Variants in EEPD1 observed in about 807,000 individuals in gnomAD.
The protein encoded by EEPD1 is endonuclease/exonuclease/phosphatase family domain-containing protein 1.
Under a neutral mutation model 46.3 loss-of-function variants are expected in EEPD1, and 17 were observed. The observed-to-expected ratio is 0.37, with a 90% CI of 0.25 to 0.55. The LOEUF (loss-of-function observed/expected upper bound fraction) is 0.55, where lower values mean the gene tolerates loss of function less well. EEPD1 is among the 20% of genes least tolerant of loss of function. The pLI is 0.83. For missense variants in EEPD1, 673 were observed against 745.6 expected, an observed-to-expected ratio of 0.90 and a Z score of 1.13; for synonymous variants, 313 against 315.6, an observed-to-expected ratio of 0.99 and a Z score of 0.09.
At chr7:36,220,717 G>A (rs1035569996) in intron 2 of EEPD1, among the ~76,000 whole-genome samples, 1 of 152,128 alleles carries the variant, frequency 6.6e-6, no homozygotes, top group African/African-American at 2.4e-5. Flanking sequence ...TGTGTCAGAT[G>A]GTATTGAAAA....
intron 2 of EEPD1, among the ~76,000 whole-genome samples, chr7:36,234,149 C>T (rs1452307827): frequency 1.3e-5 from 2 of 152,132 alleles, no homozygotes; most frequent in Non-Finnish European, 2.9e-5. Flanking sequence ...GAAGTCCTGA[C>T]CTCAAATGAT....
intron 2 of EEPD1, among the ~76,000 whole-genome samples, chr7:36,237,054 T>C (rs10274036): frequency 0.72 from 109,879 of 152,068 alleles, 39,800 homozygotes; most frequent in Admixed American, 0.75. Context: ...CAGTATCATT[T>C]CTGAAGTCAG....
At chr7:36,264,828 A>G (rs906411650) in intron 3 of EEPD1, among the ~76,000 whole-genome samples, 1 of 152,062 alleles carries the variant, frequency 6.6e-6, no homozygotes, top group Non-Finnish European at 1.5e-5. Context: ...ACGAAAGAAA[A>G]CAGAACCAGT....
chr7:36,299,137 G>A lies in EEPD1; in HGVS notation c.1641G>A (p.Lys547=). Residue 547 remains lysine, a synonymous_variant, in exon 8 of 8, where the codon AAG becomes AAA. Coordinates refer to ENST00000242108, the MANE Select transcript of EEPD1 (RefSeq NM_030636.3). ...ACACTGAAAAGGACTGGAGCAAGAA[G>A]GATGCCCCTCGGAACGGCAGCGGGG... The part of the protein sequence containing the change: ...EFYTEKDWSK[K]DAPRNGSGVA... 3 of 1,611,652 alleles carry A rather than the reference G, an allele frequency of 1.9e-6. No individual in the cohort carries two copies. Among genetic ancestry groups the A allele is most frequent in the South Asian group, 1.1e-5 (1 of 90,982 alleles).
At position 36,160,628 on chromosome 7, in the gene EEPD1, G is replaced by A. The variant is rs1039064144; in HGVS notation, c.878+5426G>A. The stretch of plus-strand genomic sequence containing the variant: ...GAGGCCACAGAAGGTTAGAAGCAGA[G>A]GCTGAAGAAATGACCTCTTACCAGA... On this transcript the variant is annotated intron_variant, in intron 2 of 7. Transcript: ENST00000242108. 8.2e-5 allele frequency among the ~76,000 whole-genome samples: 12 copies of A among 146,482 alleles called. No homozygotes were observed. The South Asian group carries it at 2.5e-3, about 30-fold the overall frequency.
At chr7:36,242,342 C>T (rs1052087356) in intron 3 of EEPD1, among the ~76,000 whole-genome samples, 2 of 152,066 alleles carry the variant, frequency 1.3e-5, no homozygotes, top group African/African-American at 2.4e-5. Flanking sequence ...GTATTGTTCC[C>T]CCCATCTCAA....
intron 2 of EEPD1, among the ~76,000 whole-genome samples, chr7:36,176,171 C>T (rs902581226): frequency 6.6e-6 from 1 of 152,188 alleles, no homozygotes; most frequent in African/African-American, 2.4e-5. Context: ...AAGGGTGGGG[C>T]CTGGCCTCTC....
chr7:36,225,560 G>A lies in EEPD1; in HGVS notation c.879-13425G>A, dbSNP rs115809765. Reference sequence around the variant, plus strand: ...AATAACAACGATAAGAGGGGGACAAGCATTTCATCCAAACAGAGAAAAAAG... The same window carrying A: ...AATAACAACGATAAGAGGGGGACAAACATTTCATCCAAACAGAGAAAAAAG... On this transcript the variant is annotated intron_variant, in intron 2 of 7. Transcript: ENST00000242108. This position sits in a 1 kb window ranked among gnomAD's most constrained non-coding sequence, Gnocchi z 4.2. Among the ~76,000 whole-genome samples, 1,196 of 152,254 alleles carry A rather than the reference G, an allele frequency of 7.9e-3. 16 individuals are homozygous for A. Among genetic ancestry groups the A allele is most frequent in the African/African-American group, 0.027 (1,116 of 41,530 alleles).
chr7:36,168,212 C>A (rs1163621725), intron 2 of EEPD1, among the ~76,000 whole-genome samples: 1 of 152,186 alleles, frequency 6.6e-6, no homozygotes, highest in Non-Finnish European at 1.5e-5. Context: ...AATAAATGAC[C>A]ACTAACATTT....
At chr7:36,155,258 C>T in intron 2 of EEPD1, 56 bp downstream of exon 2, 1 of 1,470,948 alleles carries the variant, frequency 6.8e-7, no homozygotes, top group South Asian at 1.5e-5. Flanking sequence ...TGCGTGACCT[C>T]ATCTATGGAT....
At chr7:36,273,203 G>A (rs142591283) in intron 3 of EEPD1, among the ~76,000 whole-genome samples, 36 of 152,128 alleles carry the variant, frequency 2.4e-4, no homozygotes, top group South Asian at 8.3e-4. Context: ...GTCAGTAAGT[G>A]ACCCGGCTAT....
At chr7:36,252,780 C>T (rs1165159894) in intron 3 of EEPD1, among the ~76,000 whole-genome samples, 2 of 147,040 alleles carry the variant, frequency 1.4e-5, no homozygotes, top group Non-Finnish European at 3.0e-5. Context: ...GCAGGCAGAG[C>T]TCAGACAGAA....
chr7:36,276,387 T>C (rs1437102667), intron 3 of EEPD1, among the ~76,000 whole-genome samples: 3 of 152,148 alleles, frequency 2.0e-5, no homozygotes, highest in Admixed American at 2.0e-4. Flanking sequence ...ATCGAGCTCA[T>C]TGGTAGCTCT....
chr7:36,280,987 G>A (rs1787251371), intron 3 of EEPD1, 128 bp from the exon 4 acceptor site: 1 of 648,002 alleles, frequency 1.5e-6, no homozygotes, highest in South Asian at 2.1e-5. Context: ...AAACAGGGAT[G>A]TAGTTCAGCA....
At chr7:36,275,425 C>T (rs1787166677) in intron 3 of EEPD1, among the ~76,000 whole-genome samples, 2 of 152,072 alleles carry the variant, frequency 1.3e-5, no homozygotes, top group South Asian at 4.2e-4. Flanking sequence ...AGTTGGAACA[C>T]CTTTATTTTT....
chr7:36,244,010 C>T (rs941435912), intron 3 of EEPD1, among the ~76,000 whole-genome samples: 1 of 151,410 alleles, frequency 6.6e-6, no homozygotes, highest in East Asian at 1.9e-4. Flanking sequence ...AACTAACCTG[C>T]ACATTGTGCA....
chr7:36,287,195 C>T (rs1787353003), intron 5 of EEPD1, among the ~76,000 whole-genome samples: 1 of 143,312 alleles, frequency 7.0e-6, no homozygotes, highest in African/African-American at 2.6e-5. Flanking sequence ...TGAGATCATG[C>T]CACTCCACCC....
At chr7:36,184,677 C>T (rs1785332566) in intron 2 of EEPD1, among the ~76,000 whole-genome samples, 1 of 152,056 alleles carries the variant, frequency 6.6e-6, no homozygotes, top group Non-Finnish European at 1.5e-5. Context: ...TTTATTAAAT[C>T]AGTTAATCTA....
intron 2 of EEPD1, among the ~76,000 whole-genome samples, chr7:36,235,082 T>C (rs28729419): frequency 1.1e-3 from 57 of 49,874 alleles, no homozygotes; most frequent in South Asian, 2.3e-3. Flanking sequence ...GCCCAGGCCT[T>C]CCCCATAGCC....
Sources: allele counts gnomAD v4.1 joint callset (sites outside exome capture counted in the v4.1 genomes callset), GRCh38; gene constraint gnomAD v4.1.1; non-coding constraint Gnocchi (gnomAD v3.1); transcripts MANE v1.5; gene names NCBI Gene and HGNC (gene_info 2026-07-23, HGNC 2026-07-21).